SGIP1: variants seen among roughly 807,000 people sequenced by gnomAD.
SGIP1 encodes the protein SH3GL interacting endocytic adaptor 1.
In SGIP1, 38 loss-of-function variants were observed where a neutral mutation model predicts 107.5. That is an observed-to-expected ratio of 0.35 (90% CI 0.27 to 0.46). The LOEUF (loss-of-function observed/expected upper bound fraction) is 0.46, where lower values mean the gene tolerates loss of function less well. Ranked by LOEUF, SGIP1 falls within the 20% of genes least tolerant of loss-of-function variation. SGIP1 has a pLI of 1.00. For synonymous variants in SGIP1, 365 were observed against 366.1 expected (o/e 1.00, Z 0.03); for missense variants, 929 against 1,019.5 (o/e 0.91, Z 1.21).
intron 1 of SGIP1, among the ~76,000 whole-genome samples, chr1:66,591,689 C>T (rs747796106): frequency 9.2e-5 from 14 of 152,114 alleles, no homozygotes; most frequent in Non-Finnish European, 1.6e-4. Context: ...AGGGGACTGG[C>T]GCTCAGCATA....
chr1:66,695,272 GT>G, intron 17 of SGIP1, 161 bp from the exon 18 acceptor site: 1 of 873,826 alleles, frequency 1.1e-6, no homozygotes, highest in Non-Finnish European at 1.4e-6. Context: ...AAAAAAAAAA[GT>G]GTAGATTGCC....
intron 7 of SGIP1, among the ~76,000 whole-genome samples, chr1:66,644,596 C>A (rs1478726823): frequency 6.6e-6 from 1 of 152,148 alleles, no homozygotes; most frequent in Non-Finnish European, 1.5e-5. Flanking sequence ...CTGAACAGAG[C>A]AGTTAATAAA....
intron 8 of SGIP1, among the ~76,000 whole-genome samples, chr1:66,667,119 G>A (rs2082733917): frequency 6.6e-6 from 1 of 152,000 alleles, no homozygotes; most frequent in African/African-American, 2.4e-5. Flanking sequence ...ATGCATTATT[G>A]TCTATATTTG....
intron 15 of SGIP1, among the ~76,000 whole-genome samples, chr1:66,686,773 G>A (rs2088424116): frequency 1.3e-5 from 2 of 152,148 alleles, no homozygotes; most frequent in Admixed American, 6.5e-5. Context: ...TGATTTCAAT[G>A]GGGCATCCGT....
At chr1:66,691,612 T>A (rs933219337) in intron 17 of SGIP1, among the ~76,000 whole-genome samples, 1 of 146,702 alleles carries the variant, frequency 6.8e-6, no homozygotes, top group Non-Finnish European at 1.5e-5. Flanking sequence ...CATTTCCCTC[T>A]GTTTTGTTTG....
intron 1 of SGIP1, among the ~76,000 whole-genome samples, chr1:66,624,819 A>C (rs1447292251): frequency 2.6e-5 from 4 of 152,180 alleles, no homozygotes; most frequent in African/African-American, 9.7e-5. Flanking sequence ...ATACTCACTA[A>C]CAGAAGCACA....
chr1:66,689,770 A>C (rs1016855087), intron 16 of SGIP1, among the ~76,000 whole-genome samples: 10 of 152,294 alleles, frequency 6.6e-5, no homozygotes, highest in Admixed American at 2.6e-4. Flanking sequence ...ATTAAGAGAG[A>C]CTTGTGGCAG....
Position 66,689,168 on chromosome 1 carries a change from C to T in SGIP1, c.1336C>T (p.Pro446Ser). The T allele has an allele frequency of 6.2e-7, 1 of 1,613,512 alleles. No individual in the cohort carries two copies. Among genetic ancestry groups the T allele is most frequent in the Non-Finnish European group, 8.5e-7 (1 of 1,179,726 alleles). Residue 446 changes from proline (P) to serine (S), a missense_variant, in exon 16 of 25, where the codon CCA becomes TCA. By Grantham distance (74) the Pro-to-Ser change is moderately conservative. Transcript: ENST00000371037. ...TTSGASSPAR[P>S]ATPLVPCRST... The stretch of plus-strand genomic sequence containing the variant: ...TTCAGGTGCATCATCCCCTGCTCGA[C>T]CAGCCACTCCTTTGGTTCCTTGCAG...
intron 1 of SGIP1, among the ~76,000 whole-genome samples, chr1:66,541,413 C>G (rs2054910640): frequency 1.3e-5 from 2 of 152,222 alleles, no homozygotes; most frequent in Non-Finnish European, 2.9e-5. Context: ...GCCCCTTGGG[C>G]TCATTCTTCT....
At chr1:66,700,638 G>C (rs1384440911) in intron 18 of SGIP1, among the ~76,000 whole-genome samples, 1 of 152,024 alleles carries the variant, frequency 6.6e-6, no homozygotes, top group South Asian at 2.1e-4. Flanking sequence ...AATCAAATCA[G>C]AGTAATTAGC....
At chr1:66,572,131 T>A (rs572962733) in intron 1 of SGIP1, among the ~76,000 whole-genome samples, 1 of 152,136 alleles carries the variant, frequency 6.6e-6, no homozygotes, top group South Asian at 2.1e-4. Context: ...GCAGAGTGGA[T>A]CCTTTCTCTG....
intron 1 of SGIP1, among the ~76,000 whole-genome samples, chr1:66,605,998 C>A (rs1219602565): frequency 6.6e-6 from 1 of 152,160 alleles, no homozygotes; most frequent in African/African-American, 2.4e-5. Context: ...TCCCTCCATG[C>A]ACATCTTTTC....
chr1:66,598,025 A>T (rs745478569), intron 1 of SGIP1, among the ~76,000 whole-genome samples: 1 of 152,146 alleles, frequency 6.6e-6, no homozygotes, highest in Non-Finnish European at 1.5e-5. Flanking sequence ...AGCATGGAGA[A>T]AAATGAGTTC....
At chr1:66,578,901 C>T (rs1385937781) in intron 1 of SGIP1, among the ~76,000 whole-genome samples, 1 of 152,026 alleles carries the variant, frequency 6.6e-6, no homozygotes, top group Non-Finnish European at 1.5e-5. Flanking sequence ...AGACTCCCAA[C>T]CTCAGGAGAT....
intron 21 of SGIP1, among the ~76,000 whole-genome samples, chr1:66,737,565 C>G (rs1341772598): frequency 6.6e-6 from 1 of 152,128 alleles, no homozygotes; most frequent in Non-Finnish European, 1.5e-5. Flanking sequence ...AGGCAAGATA[C>G]TGAATTCTAG....
intron 18 of SGIP1, among the ~76,000 whole-genome samples, chr1:66,713,682 C>G (rs1218495708): frequency 6.6e-6 from 1 of 152,112 alleles, no homozygotes; most frequent in Non-Finnish European, 1.5e-5. Context: ...ATGCCTCATA[C>G]ATTTCTCTGT....
At chr1:66,646,670 T>C (rs2077728189) in intron 7 of SGIP1, among the ~76,000 whole-genome samples, 1 of 152,240 alleles carries the variant, frequency 6.6e-6, no homozygotes, top group Non-Finnish European at 1.5e-5. Context: ...GAATGAATCA[T>C]ATAATTATAT....
At chr1:66,740,523 C>T in intron 22 of SGIP1, 135 bp from the exon 23 acceptor site, 2 of 655,990 alleles carry the variant, frequency 3.0e-6, no homozygotes, top group African/African-American at 1.8e-5. Context: ...GAGAGAGAGA[C>T]AGGGAATTTT....
Position 66,636,116 on chromosome 1 carries a change from T to A in SGIP1, c.171+101T>A, listed in dbSNP as rs2075733389. The A allele has an allele frequency of 5.2e-6, 6 of 1,145,938 alleles. No homozygotes were observed. The Admixed American group carries it at 1.2e-4, about 22-fold the overall frequency. The allele number at this position is 1,145,938 out of a possible 1,614,324, so 71.0% of individuals were successfully genotyped here. ...GGAAAACACAGTAGTTTTCATTTAC[T>A]CCATTTAAGAAAACTCTTAGGTATT... is the stretch of plus-strand genomic sequence containing the variant. On this transcript the variant is annotated intron_variant, in intron 4 of 24. Coordinates refer to ENST00000371037, the MANE Select transcript of SGIP1 (RefSeq NM_032291.4).
Sources: gnomAD v4.1 joint callset for allele counts (sites outside exome capture counted in the v4.1 genomes callset) on GRCh38, gnomAD v4.1.1 for gene constraint, MANE v1.5 for transcripts, NCBI Gene and HGNC (gene_info 2026-07-23, HGNC 2026-07-21) for gene names.